Variants in BNIP3L observed in about 807,000 individuals in gnomAD.
The protein encoded by BNIP3L is BCL2/adenovirus E1B 19 kDa protein-interacting protein 3-like.
In BNIP3L, 10 loss-of-function variants were observed where a neutral mutation model predicts 25.5. The ratio of observed to expected loss-of-function variants is 0.39; its 90% CI spans 0.24 to 0.67. The LOEUF (loss-of-function observed/expected upper bound fraction) is 0.67. Among genes scored for constraint, BNIP3L ranks in the 30% least tolerant of loss-of-function variants. The pLI, the probability that BNIP3L is intolerant of heterozygous loss-of-function variation, is 0.45. For synonymous variants in BNIP3L, 113 were observed against 101.2 expected (o/e 1.12, Z -0.70); for missense variants, 215 against 270.9 (o/e 0.79, Z 1.45).
chr8:26,400,853 A>G (rs1806353964), intron 3 of BNIP3L, among the ~76,000 whole-genome samples: 1 of 135,146 alleles, frequency 7.4e-6, no homozygotes, highest in Non-Finnish European at 1.6e-5. Context: ...ATGCAAATCA[A>G]AACCACTATG....
At chr8:26,399,845 T>C (rs1052739631) in intron 3 of BNIP3L, among the ~76,000 whole-genome samples, 1 of 92,796 alleles carries the variant, frequency 1.1e-5, no homozygotes, top group East Asian at 4.4e-4. Flanking sequence ...TACCTAGGAA[T>C]CCAACTTACA....
intron 3 of BNIP3L, among the ~76,000 whole-genome samples, chr8:26,401,602 CA>C (rs1350703788): frequency 1.3e-5 from 1 of 79,576 alleles, no homozygotes; most frequent in Non-Finnish European, 2.7e-5. Context: ...AGTGGAGGTA[CA>C]AAATAAAAAA....
rs201168245 is a variant in BNIP3L, at chr8:26,383,114, C to T, written c.-17C>T. The T allele has an allele frequency of 6.2e-3, 9,973 of 1,596,278 alleles. 35 individuals are homozygous for T. Among genetic ancestry groups the T allele is most frequent in the Non-Finnish European group, 7.6e-3 (8,899 of 1,170,956 alleles). On this transcript the variant is annotated 5_prime_UTR_variant, in exon 1 of 6. Transcript: ENST00000380629. ...AGACGGTCCTGCTGCTGCCGCAGTC[C>T]TGCCAGCTGTCCGACAATGTCGTCC... is the stretch of plus-strand genomic sequence containing the variant.
chr8:26,383,442 C>A (rs924173880), intron 1 of BNIP3L: 8 of 1,311,412 alleles, frequency 6.1e-6, no homozygotes, highest in Admixed American at 7.1e-5. Context: ...GTCTTGGGCC[C>A]GGGGCCGTTT....
Position 26,411,632 on chromosome 8 carries a change from A to C in BNIP3L, c.*1220A>C, listed in dbSNP as rs1298409780. 2 of 152,626 alleles carry C rather than the reference A, an allele frequency of 1.3e-5. No individual in the cohort carries two copies. Among genetic ancestry groups the C allele is most frequent in the Non-Finnish European group, 2.9e-5 (2 of 68,040 alleles). The allele number at this position is 152,626 out of a possible 1,614,324, so 9.5% of individuals were successfully genotyped here. On this transcript the variant is annotated 3_prime_UTR_variant, in exon 6 of 6. Transcript: ENST00000380629. ...TCTTTTCAGTTATGGTAAACTCTTA[A>C]AGTTCAGAACACTCAACAGATTCCT...
intron 1 of BNIP3L, among the ~76,000 whole-genome samples, chr8:26,385,066 C>T (rs548933108): frequency 6.6e-6 from 1 of 152,186 alleles, no homozygotes; most frequent in African/African-American, 2.4e-5. Context: ...CAGGCTTGAG[C>T]CATCGCACCG....
intron 1 of BNIP3L, 136 bp from the exon 2 acceptor site, chr8:26,391,107 T>C (rs553869921): frequency 3.0e-6 from 2 of 676,192 alleles, no homozygotes; most frequent in Non-Finnish European, 4.5e-6. Context: ...TTACTTCTTA[T>C]TTATTTTCTT....
intron 1 of BNIP3L, among the ~76,000 whole-genome samples, chr8:26,383,738 G>GC (rs1413105924): frequency 2.6e-5 from 4 of 151,806 alleles, no homozygotes; most frequent in East Asian, 1.9e-4. Context: ...GGGCGCGGGA[G>GC]CCCCCCAGCG....
rs1806665271 is a variant in BNIP3L, at chr8:26,413,119, A to T, written c.*2707A>T. 6.6e-6 allele frequency: 1 copy of T among 152,656 alleles called. No homozygotes were observed. 9.5% of individuals were successfully genotyped at this position (152,656 alleles called of 1,614,324 possible). On this transcript the variant is annotated 3_prime_UTR_variant, in exon 6 of 6. Transcript: ENST00000380629. The surrounding 1 kb of genome is among the most constrained non-coding windows in gnomAD (Gnocchi z 5.2). ...AACATTTTGTGCCATTAAAGCTCTC[A>T]CAAAACTTTTCCTGTCAGTATATCA...
intron 1 of BNIP3L, 99 bp downstream of exon 1, chr8:26,383,329 C>T (rs1646627516): frequency 6.6e-7 from 1 of 1,513,064 alleles, no homozygotes; most frequent in Non-Finnish European, 8.9e-7. Flanking sequence ...GAGAAGGCAG[C>T]TCATTGGCTC....
intron 3 of BNIP3L, among the ~76,000 whole-genome samples, chr8:26,401,499 TG>T (rs1806374371): frequency 1.4e-5 from 2 of 147,090 alleles, no homozygotes; most frequent in Non-Finnish European, 3.0e-5. Flanking sequence ...CACACCAGCA[TG>T]GCACATGTAT....
intron 3 of BNIP3L, among the ~76,000 whole-genome samples, chr8:26,403,334 A>G (rs1221505972): frequency 1.3e-5 from 2 of 152,188 alleles, no homozygotes; most frequent in African/African-American, 4.8e-5. Flanking sequence ...GATTTGGGAA[A>G]ATTGATTTTC....
At chr8:26,403,271 A>T (rs1425426214) in intron 3 of BNIP3L, among the ~76,000 whole-genome samples, 1 of 152,158 alleles carries the variant, frequency 6.6e-6, no homozygotes, top group Non-Finnish European at 1.5e-5. Flanking sequence ...AAAACCTTTG[A>T]CATTGCCTTT....
chr8:26,392,379 A>G (rs1191766854), intron 2 of BNIP3L, among the ~76,000 whole-genome samples: 1 of 152,144 alleles, frequency 6.6e-6, no homozygotes, highest in Non-Finnish European at 1.5e-5. Context: ...TGCAGTATGG[A>G]TATGTTTCTT....
chr8:26,385,384 G>T (rs1805970666), intron 1 of BNIP3L, among the ~76,000 whole-genome samples: 1 of 151,824 alleles, frequency 6.6e-6, no homozygotes, highest in African/African-American at 2.4e-5. Flanking sequence ...ATCACTTGAG[G>T]TCAGGAGTTC....
chr8:26,383,636 GA>G (rs1407489657), intron 1 of BNIP3L: 1 of 322,454 alleles, frequency 3.1e-6, no homozygotes, highest in Non-Finnish European at 4.4e-6. Flanking sequence ...GACGCCGGGG[GA>G]TGGACGCGCG....
At chr8:26,391,543 T>C (rs1227800175) in intron 2 of BNIP3L, 117 bp downstream of exon 2, 7 of 831,632 alleles carry the variant, frequency 8.4e-6, no homozygotes, top group African/African-American at 5.3e-5. Flanking sequence ...CCTCCTGATA[T>C]ATTGTAGTAT....
At chr8:26,408,187 T>C in intron 4 of BNIP3L, 40 bp from the exon 5 acceptor site, 1 of 1,612,126 alleles carries the variant, frequency 6.2e-7, no homozygotes, top group Non-Finnish European at 8.5e-7. Context: ...CCCCACGATA[T>C]TTTCAGCAAA....
intron 1 of BNIP3L, chr8:26,390,286 C>T (rs1373837572): frequency 2.2e-6 from 2 of 917,976 alleles, no homozygotes; most frequent in Non-Finnish European, 2.6e-6. Context: ...CACCTTAATA[C>T]GTTTAGCAAA....
Sources: gnomAD v4.1 joint callset for allele counts (sites outside exome capture counted in the v4.1 genomes callset) on GRCh38, gnomAD v4.1.1 for gene constraint, Gnocchi (gnomAD v3.1) non-coding constraint, MANE v1.5 for transcripts, NCBI Gene and HGNC (gene_info 2026-07-23, HGNC 2026-07-21) for gene names.